The following XRRA1 variants were observed in gnomAD, a reference collection of about 807,000 sequenced individuals.
The protein encoded by XRRA1 is X-ray radiation resistance associated 1.
A neutral mutation model predicts 80.2 loss-of-function variants in XRRA1; 69 were observed. That is an observed-to-expected ratio of 0.86 (90% confidence interval 0.71 to 1.05). XRRA1 has a LOEUF of 1.05. Ranked by LOEUF, XRRA1 falls within the 50% of genes least tolerant of loss-of-function variation. The probability of loss-of-function intolerance (pLI) is 0.00; values close to 1 mark genes in which losing one functional copy is unlikely to be tolerated. For synonymous variants in XRRA1, 348 were observed against 389.9 expected (o/e 0.89, Z 1.27); for missense variants, 967 against 976.4 (o/e 0.99, Z 0.13).
chr11:74,910,667 TA>T (rs2055678493), intron 8 of XRRA1: 1 of 152,186 alleles, frequency 6.6e-6, no homozygotes, highest in Non-Finnish European at 1.5e-5. Context: ...GGGAACCTGC[TA>T]AAGGACTTTA....
intron 10 of XRRA1, among the ~76,000 whole-genome samples, chr11:74,893,966 A>G (rs564575671): frequency 6.6e-6 from 1 of 152,370 alleles, no homozygotes; most frequent in African/African-American, 2.4e-5. Context: ...CCGCAGCACT[A>G]TTCACAATAA....
At position 74,906,470 on chromosome 11, in the gene XRRA1, A is replaced by C; in HGVS notation, c.786-14T>G. On this transcript the variant is annotated splice_polypyrimidine_tract_variant and intron_variant, in intron 9 of 18. Transcript: ENST00000684022. The stretch of plus-strand genomic sequence containing the variant: ...AACTTCTTCAGTCTTCAATTAAGGA[A>C]AGTGAATATAGAATCATAGCAATAA... 1 of 1,612,902 alleles carries C rather than the reference A, an allele frequency of 6.2e-7. No individual in the cohort carries two copies. Among genetic ancestry groups the C allele is most frequent in the Non-Finnish European group, 8.5e-7 (1 of 1,179,396 alleles).
chr11:74,933,754 C>T (rs769339109), intron 5 of XRRA1, 47 bp downstream of exon 5: 7 of 1,537,154 alleles, frequency 4.6e-6, no homozygotes, highest in South Asian at 3.6e-5. Flanking sequence ...AGGTGCGCCA[C>T]CTCAAGTCTG....
intron 16 of XRRA1, among the ~76,000 whole-genome samples, chr11:74,844,512 T>C (rs1244088218): frequency 6.6e-6 from 1 of 152,166 alleles, no homozygotes; most frequent in Non-Finnish European, 1.5e-5. Flanking sequence ...ATAGCACAGA[T>C]TGTAATGGGT....
chr11:74,872,507 G>T (rs1218558006), intron 10 of XRRA1, among the ~76,000 whole-genome samples: 1 of 152,164 alleles, frequency 6.6e-6, no homozygotes, highest in Non-Finnish European at 1.5e-5. Flanking sequence ...TTGCAAACTT[G>T]CAAAGTCCAG....
chr11:74,903,070 GTAAGA>G (rs1354463360), intron 10 of XRRA1, among the ~76,000 whole-genome samples: 1 of 152,062 alleles, frequency 6.6e-6, no homozygotes, highest in Admixed American at 6.6e-5. Flanking sequence ...AAACTATAAA[GTAAGA>G]TAATACCAAG....
chr11:74,865,801 G>C (rs1047608977), intron 10 of XRRA1, among the ~76,000 whole-genome samples: 3 of 152,218 alleles, frequency 2.0e-5, no homozygotes, highest in Non-Finnish European at 4.4e-5. Flanking sequence ...CAGTGTTCTG[G>C]ACTCAGGTCC....
chr11:74,879,307 T>C (rs1279119045), intron 10 of XRRA1, among the ~76,000 whole-genome samples: 1 of 152,150 alleles, frequency 6.6e-6, no homozygotes, highest in East Asian at 1.9e-4. Flanking sequence ...TTTTTGTACA[T>C]TGACTTTGTA....
At chr11:74,882,154 C>T (rs552720768) in intron 10 of XRRA1, among the ~76,000 whole-genome samples, 2 of 152,336 alleles carry the variant, frequency 1.3e-5, no homozygotes, top group African/African-American at 4.8e-5. Context: ...CCAAATCAGA[C>T]GTAGATTTTG....
At chr11:74,867,042 T>C (rs887252183) in intron 10 of XRRA1, among the ~76,000 whole-genome samples, 1 of 152,096 alleles carries the variant, frequency 6.6e-6, no homozygotes, top group Non-Finnish European at 1.5e-5. Context: ...ACTGCCAGCA[T>C]GAACATTAAG....
At chr11:74,946,572 CCT>C (rs1436797911) in intron 1 of XRRA1, among the ~76,000 whole-genome samples, 9 of 152,142 alleles carry the variant, frequency 5.9e-5, no homozygotes, top group Non-Finnish European at 1.2e-4. Context: ...GTCAATTAAA[CCT>C]CTTTCCTTTA....
At chr11:74,917,838 G>A (rs988774713) in intron 8 of XRRA1, among the ~76,000 whole-genome samples, 3 of 152,156 alleles carry the variant, frequency 2.0e-5, no homozygotes, top group Admixed American at 6.5e-5. Flanking sequence ...CCACTGAACT[G>A]GAAGTCGAGA....
intron 10 of XRRA1, among the ~76,000 whole-genome samples, chr11:74,895,431 G>C (rs2052039240): frequency 6.6e-6 from 1 of 152,224 alleles, no homozygotes; most frequent in East Asian, 1.9e-4. Flanking sequence ...AAGTTTCTTG[G>C]CCAGCCTTGC....
intron 12 of XRRA1, among the ~76,000 whole-genome samples, chr11:74,854,400 A>G (rs936774637): frequency 5.3e-5 from 8 of 152,206 alleles, no homozygotes; most frequent in African/African-American, 1.7e-4. Context: ...TTTTCTGTCA[A>G]AGACCATATA....
intron 18 of XRRA1, 28 bp downstream of exon 18, chr11:74,843,826 G>A: frequency 6.3e-7 from 1 of 1,580,162 alleles, no homozygotes; most frequent in Non-Finnish European, 8.6e-7. Context: ...CTGGATCTGG[G>A]ATCCTGGCAG....
At chr11:74,873,738 C>T (rs910450367) in intron 10 of XRRA1, among the ~76,000 whole-genome samples, 7 of 152,162 alleles carry the variant, frequency 4.6e-5, no homozygotes, top group African/African-American at 1.2e-4. Context: ...CAAAATCTAA[C>T]ATCAAGCTTT....
chr11:74,878,304 G>A (rs1209336127), intron 10 of XRRA1, among the ~76,000 whole-genome samples: 2 of 151,368 alleles, frequency 1.3e-5, no homozygotes, highest in Non-Finnish European at 2.9e-5. Context: ...ACTTTTTGAT[G>A]GGGTTGTTTG....
chr11:74,878,797 G>A (rs1338405172), intron 10 of XRRA1, among the ~76,000 whole-genome samples: 4 of 151,350 alleles, frequency 2.6e-5, no homozygotes, highest in African/African-American at 4.9e-5. Context: ...TATTTCTGAG[G>A]GCTCTGTTCT....
intron 8 of XRRA1, among the ~76,000 whole-genome samples, chr11:74,914,563 T>G (rs1322896360): frequency 6.6e-6 from 1 of 152,210 alleles, no homozygotes; most frequent in Non-Finnish European, 1.5e-5. Flanking sequence ...TATCGCCAAA[T>G]AATTATTACT....
Sources: gnomAD v4.1 joint callset for allele counts (sites outside exome capture counted in the v4.1 genomes callset) on GRCh38, gnomAD v4.1.1 for gene constraint, MANE v1.5 for transcripts, NCBI Gene and HGNC (gene_info 2026-07-23, HGNC 2026-07-21) for gene names.